The following TLK1 variants were observed in gnomAD, a reference collection of about 807,000 sequenced individuals.
TLK1 encodes the protein tousled like kinase 1.
A neutral mutation model predicts 105.3 loss-of-function variants in TLK1; 24 were observed. The observed-to-expected ratio is 0.23, with a 90% CI of 0.17 to 0.32. The LOEUF is 0.32. Among genes scored for constraint, TLK1 ranks in the 10% least tolerant of loss-of-function variants. The pLI is 1.00. For missense variants in TLK1, 558 were observed against 910.5 expected (o/e 0.61, Z 4.98); for synonymous variants, 321 against 310.4 (o/e 1.03, Z -0.36).
At chr2:171,130,093 C>A (rs1246285782) in intron 1 of TLK1, among the ~76,000 whole-genome samples, 2 of 152,146 alleles carry the variant, frequency 1.3e-5, no homozygotes, top group Non-Finnish European at 2.9e-5. Flanking sequence ...CACGTAGTGA[C>A]CCGATTATTA....
intron 1 of TLK1, among the ~76,000 whole-genome samples, chr2:171,145,849 T>C (rs1409058976): frequency 6.6e-6 from 1 of 152,142 alleles, no homozygotes; most frequent in Non-Finnish European, 1.5e-5. Flanking sequence ...GATCCATTTA[T>C]ATCAAACTCA....
chr2:171,227,705 T>G (rs1219449634), intron 1 of TLK1, among the ~76,000 whole-genome samples: 8 of 150,762 alleles, frequency 5.3e-5, no homozygotes, highest in African/African-American at 2.0e-4. Context: ...AGCCCTCCCT[T>G]GTCTTACCTC....
intron 1 of TLK1, among the ~76,000 whole-genome samples, chr2:171,171,697 CA>C (rs147682978): frequency 0.037 from 5,578 of 149,548 alleles, 337 homozygotes; most frequent in African/African-American, 0.13. Flanking sequence ...TAACCAAATG[CA>C]AAAAAAAATG....
chr2:171,113,698 T>C (rs1690283822), intron 2 of TLK1, among the ~76,000 whole-genome samples: 2 of 152,146 alleles, frequency 1.3e-5, no homozygotes, highest in African/African-American at 4.8e-5. Flanking sequence ...GGAGAAAACT[T>C]GTTCACTAGA....
chr2:171,107,565 A>G (rs1689983091), intron 2 of TLK1, among the ~76,000 whole-genome samples: 1 of 152,196 alleles, frequency 6.6e-6, no homozygotes, highest in Admixed American at 6.5e-5. Context: ...ACCATTCTTC[A>G]TTAAAATGAA....
At chr2:171,078,640 A>G (rs1688618502) in intron 3 of TLK1, among the ~76,000 whole-genome samples, 1 of 152,214 alleles carries the variant, frequency 6.6e-6, no homozygotes. Flanking sequence ...ATTCGCACAG[A>G]ACAGTTTGAG....
chr2:171,167,965 T>C (rs1275195007), intron 1 of TLK1, among the ~76,000 whole-genome samples: 1 of 151,816 alleles, frequency 6.6e-6, no homozygotes, highest in Non-Finnish European at 1.5e-5. Flanking sequence ...AATATATAAA[T>C]TATAATTTAT....
intron 2 of TLK1, among the ~76,000 whole-genome samples, chr2:171,096,525 G>C (rs1457084465): frequency 6.6e-6 from 1 of 152,264 alleles, no homozygotes; most frequent in African/African-American, 2.4e-5. Context: ...GGGAGGCCAA[G>C]GCAGGTGGAT....
intron 3 of TLK1, among the ~76,000 whole-genome samples, chr2:171,068,292 G>A (rs1688104524): frequency 6.6e-6 from 1 of 152,182 alleles, no homozygotes; most frequent in East Asian, 1.9e-4. Context: ...TCGCGCCATT[G>A]CACTCCAGCC....
chr2:171,128,650 G>C (rs1352512027), intron 1 of TLK1, among the ~76,000 whole-genome samples: 1 of 152,024 alleles, frequency 6.6e-6, no homozygotes, highest in Non-Finnish European at 1.5e-5. Context: ...TGCTAATATA[G>C]TAGTAACACA....
chr2:171,026,287 A>G (rs1685769114), intron 12 of TLK1, among the ~76,000 whole-genome samples: 1 of 152,138 alleles, frequency 6.6e-6, no homozygotes, highest in Admixed American at 6.5e-5. Context: ...AAATGTCTAT[A>G]TAATATTTGG....
intron 1 of TLK1, among the ~76,000 whole-genome samples, chr2:171,220,072 ACT>A (rs1178783489): frequency 2.0e-5 from 3 of 151,974 alleles, no homozygotes; most frequent in Non-Finnish European, 4.4e-5. Flanking sequence ...TTTTTGAAAG[ACT>A]CTGATTGCAT....
At chr2:171,083,712 G>C (rs1028900115) in intron 2 of TLK1, among the ~76,000 whole-genome samples, 8 of 152,142 alleles carry the variant, frequency 5.3e-5, no homozygotes, top group African/African-American at 1.4e-4. Context: ...TTGCCAGTTA[G>C]ACTATAATTA....
chr2:171,187,914 G>C (rs1279021368), intron 1 of TLK1, among the ~76,000 whole-genome samples: 5 of 152,020 alleles, frequency 3.3e-5, no homozygotes. Flanking sequence ...AGAACAGAGT[G>C]GTATATTCTA....
chr2:171,044,702 T>C (rs1480481112), intron 11 of TLK1, among the ~76,000 whole-genome samples: 1 of 152,238 alleles, frequency 6.6e-6, no homozygotes, highest in Admixed American at 6.5e-5. Flanking sequence ...AAAAGTCATC[T>C]ACATTTTACA....
chr2:171,154,265 A>G (rs377666800), intron 1 of TLK1, among the ~76,000 whole-genome samples: 35 of 152,268 alleles, frequency 2.3e-4, no homozygotes, highest in African/African-American at 7.7e-4. Flanking sequence ...TCTTTCACCA[A>G]TAAATAAAAG....
chr2:171,006,453 T>C, intron 17 of TLK1, 21 bp downstream of exon 17: 1 of 1,545,320 alleles, frequency 6.5e-7, no homozygotes, highest in Non-Finnish European at 8.7e-7. Context: ...TTAAAAAAAA[T>C]TAGACAAATT....
At chr2:171,090,755 T>C (rs1575589121) in intron 2 of TLK1, among the ~76,000 whole-genome samples, 1 of 152,230 alleles carries the variant, frequency 6.6e-6, no homozygotes, top group African/African-American at 2.4e-5. Context: ...TCAATAAAAA[T>C]ATCTTTCCTA....
At position 171,060,052 on chromosome 2, in the gene TLK1, G is replaced by A. The variant is rs1687679315; in HGVS notation, c.406+1029C>T. 7 of 1,594,848 alleles carry A rather than the reference G, an allele frequency of 4.4e-6. No individual in the cohort carries two copies. In the Admixed American group the frequency reaches 7.0e-5, roughly 16 times the overall value. ...TCAAGTTTACTCCAAAGGAAGGGGG[G>A]AAAAAACACTGAAAGCCAGACTAAA... is the stretch of plus-strand genomic sequence containing the variant. On this transcript the variant is annotated intron_variant, in intron 4 of 20. Transcript: ENST00000431350.
Sources: gnomAD v4.1 joint callset for allele counts (sites outside exome capture counted in the v4.1 genomes callset) on GRCh38, gnomAD v4.1.1 for gene constraint, MANE v1.5 for transcripts, NCBI Gene and HGNC (gene_info 2026-07-23, HGNC 2026-07-21) for gene names.